Variants in C20orf202 observed in about 807,000 individuals in gnomAD.
The protein encoded by C20orf202 is uncharacterized protein C20orf202.
A neutral mutation model predicts 5.3 loss-of-function variants in C20orf202; 5 were observed. That is an observed-to-expected ratio of 0.94 (90% CI 0.49 to 1.98). The LOEUF (loss-of-function observed/expected upper bound fraction) is 1.98. Ranked by LOEUF, C20orf202 falls within the 30% of genes most tolerant of loss-of-function variation. The probability of loss-of-function intolerance (pLI) is 0.01; values close to 1 mark genes in which losing one functional copy is unlikely to be tolerated. For synonymous variants in C20orf202, 48 were observed against 50.0 expected, an observed-to-expected ratio of 0.96 and a Z score of 0.16; for missense variants, 135 against 123.5, an observed-to-expected ratio of 1.09 and a Z score of -0.44.
In C20orf202 at chr20:1,206,914, C is replaced by A. The variant is rs1349142114; in HGVS notation, c.112C>A (p.His38Asn). ...TCAGAGTCTCCTGCTCACACTGAGG[C>A]ATCTTCACAGTGTCCTGGAGGAGCT... ...QDQSLLLTLR[H>N]LHSVLEELRA... Residue 38 changes from histidine (H) to asparagine (N), a missense_variant, in exon 2 of 2, where the codon CAT becomes AAT. His to Asn is a moderately conservative substitution (Grantham distance 68, BLOSUM62 1). Coordinates refer to ENST00000400633, the MANE Select transcript of C20orf202 (RefSeq NM_001394958.1). 6 of 1,550,770 alleles carry A rather than the reference C, an allele frequency of 3.9e-6. No individual in the cohort carries two copies. The highest frequency in any genetic ancestry group is 1.4e-5 in the African/African-American group (1 of 73,058).
chr20:1,204,939 C>T (rs1288782527), intron 1 of C20orf202, among the ~76,000 whole-genome samples: 4 of 152,178 alleles, frequency 2.6e-5, no homozygotes, highest in Middle Eastern at 3.4e-3. Flanking sequence ...GTCTTGTAGG[C>T]GCATACCCAG....
intron 1 of C20orf202, among the ~76,000 whole-genome samples, chr20:1,205,907 G>C (rs1217712299): frequency 6.6e-6 from 1 of 151,934 alleles, no homozygotes; most frequent in East Asian, 1.9e-4. Context: ...ACAAAAAATA[G>C]CCGGGCATGG....
chr20:1,203,751 C>CCA, intron 1 of C20orf202, 100 bp downstream of exon 1: 1 of 1,319,140 alleles, frequency 7.6e-7, no homozygotes, highest in Non-Finnish European at 1.0e-6. Flanking sequence ...AGGCTGCAGG[C>CCA]TACGGTATGG....
chr20:1,206,745 G>A (rs2087132966), intron 1 of C20orf202, 124 bp from the exon 2 acceptor site: 1 of 554,582 alleles, frequency 1.8e-6, no homozygotes, highest in Non-Finnish European at 3.1e-6. Flanking sequence ...TGGTGGATAC[G>A]GCTTCTGTGA....
chr20:1,204,281 C>CA (rs2087122694), intron 1 of C20orf202, among the ~76,000 whole-genome samples: 1 of 152,144 alleles, frequency 6.6e-6, no homozygotes, highest in Non-Finnish European at 1.5e-5. Context: ...TATTACCAAG[C>CA]AGCCTACGGC....
At position 1,205,168 on chromosome 20, in the gene C20orf202, C is replaced by T. The variant is rs1050277305; in HGVS notation, c.66+1517C>T. Among the ~76,000 whole-genome samples, 4 of 150,812 alleles carry T rather than the reference C, an allele frequency of 2.7e-5. No homozygotes were observed. The South Asian group carries it at 6.3e-4, about 24-fold the overall frequency. On this transcript the variant is annotated intron_variant, in intron 1 of 1. Coordinates refer to ENST00000400633, the MANE Select transcript of C20orf202 (RefSeq NM_001394958.1). ...TCGCCCAGGCTGGAGTGTAGTGGCA[C>T]GATCTCGGCTCACTACAACCTCCGC...
Position 1,206,895 on chromosome 20 carries a change from T to A in C20orf202, c.93T>A (p.Ser31Arg). 1.8e-5 allele frequency: 28 copies of A among 1,543,568 alleles called. No homozygotes were observed. The highest frequency in any genetic ancestry group is 2.5e-5 in the Non-Finnish European group (28 of 1,141,282). ...CTGAGATGCAGATTCAAGATCAGAG[T>A]CTCCTGCTCACACTGAGGCATCTTC... ...ELSEMQIQDQSLLLTLRHLHS... is the reference protein window; with the variant it reads ...ELSEMQIQDQRLLLTLRHLHS... The change falls in exon 2 of 2, where the codon AGT (serine) becomes AGA (arginine). Residue 31 changes from serine (S) to arginine (R), a missense_variant. Transcript: ENST00000400633.
Position 1,203,532 on chromosome 20 carries a change from A to T in C20orf202, c.-54A>T, listed in dbSNP as rs1568504465. ...AGTTGGGGGAATGTACAAGTCAAAG[A>T]TCCCTCGGGCCCAGAACCAGGTCAG... On this transcript the variant is annotated 5_prime_UTR_variant, in exon 1 of 2. Transcript: ENST00000400633. 2 of 1,549,262 alleles carry T rather than the reference A, an allele frequency of 1.3e-6. No individual in the cohort carries two copies. The highest frequency in any genetic ancestry group is 1.7e-6 in the Non-Finnish European group (2 of 1,146,116).
At chr20:1,204,697 C>T (rs992847684) in intron 1 of C20orf202, among the ~76,000 whole-genome samples, 4 of 152,196 alleles carry the variant, frequency 2.6e-5, no homozygotes, top group Non-Finnish European at 2.9e-5. Flanking sequence ...CCAAAAATGA[C>T]CTTTCTGGGT....
chr20:1,205,222 C>T (rs1183133367), intron 1 of C20orf202, among the ~76,000 whole-genome samples: 2 of 151,914 alleles, frequency 1.3e-5, no homozygotes, highest in Non-Finnish European at 1.5e-5. Flanking sequence ...TCCCCTGCCT[C>T]GGCCTCCCTA....
At position 1,208,285 on chromosome 20, in the gene C20orf202, T is replaced by G; in HGVS notation, c.*1183T>G. Reference sequence around the variant, plus strand: ...AAGTCATGGTGTTAAGATGGTCTGATGATCGGTAGCCCTTTTTGTTTTTGA... The same window carrying G: ...AAGTCATGGTGTTAAGATGGTCTGAGGATCGGTAGCCCTTTTTGTTTTTGA... On this transcript the variant is annotated 3_prime_UTR_variant, in exon 2 of 2. Coordinates refer to ENST00000400633, the MANE Select transcript of C20orf202 (RefSeq NM_001394958.1). The G allele has an allele frequency of 6.6e-6, 1 of 152,236 alleles. No homozygotes were observed. Among genetic ancestry groups the G allele is most frequent in the East Asian group, 1.9e-4 (1 of 5,196 alleles). The allele number at this position is 152,236 out of a possible 1,614,324, so 9.4% of individuals were successfully genotyped here. A position where few individuals can be genotyped will look rare whatever the true frequency, so the allele number is the denominator to read the frequency against.
intron 1 of C20orf202, among the ~76,000 whole-genome samples, chr20:1,204,734 C>G (rs1264842616): frequency 6.6e-6 from 1 of 152,208 alleles, no homozygotes; most frequent in Non-Finnish European, 1.5e-5. Context: ...AGCTGGGACC[C>G]AACCCTGTCA....
rs2087134574 is a variant in C20orf202 at position 1,206,980 on chromosome 20, G to A, written c.178G>A (p.Gly60Arg). The A allele has an allele frequency of 1.3e-6, 2 of 1,551,684 alleles. No individual in the cohort carries two copies. Among genetic ancestry groups the A allele is most frequent in the Non-Finnish European group, 8.7e-7 (1 of 1,146,904 alleles). ...CCACTGGGAGGACGCCAGGTCCAGC[G>A]GAGGGACATCCCCCATCAGAGCTCG... ...SAHWEDARSS[G>R]GTSPIRARAG... Residue 60 changes from glycine (G) to arginine (R), a missense_variant, in exon 2 of 2, where the codon GGA (glycine) becomes AGA (arginine). By Grantham distance (125) the Gly-to-Arg change is moderately radical. Coordinates refer to ENST00000400633, the MANE Select transcript of C20orf202 (RefSeq NM_001394958.1).
chr20:1,203,495 C>T lies in C20orf202; in HGVS notation c.-91C>T. 2 of 1,527,310 alleles carry T rather than the reference C, an allele frequency of 1.3e-6. No individual in the cohort carries two copies. Among genetic ancestry groups the T allele is most frequent in the Non-Finnish European group, 1.8e-6 (2 of 1,134,854 alleles). 94.6% of individuals were successfully genotyped at this position (1,527,310 alleles called of 1,614,324 possible). A position where few individuals can be genotyped will look rare whatever the true frequency, so the allele number is the denominator to read the frequency against. ...TCAGTGATTTGGCCAGAACCTGCTG[C>T]CAGTCTGAAAGAGTTGGGGGAATGT... On this transcript the variant is annotated 5_prime_UTR_variant, in exon 1 of 2. Coordinates refer to ENST00000400633, the MANE Select transcript of C20orf202 (RefSeq NM_001394958.1).
At chr20:1,205,843 C>T (rs1272257303) in intron 1 of C20orf202, among the ~76,000 whole-genome samples, 3 of 152,162 alleles carry the variant, frequency 2.0e-5, no homozygotes, top group East Asian at 1.9e-4. Context: ...GAGAGGATCG[C>T]GTGAGCCCAG....
At chr20:1,205,289 G>A (rs923228605) in intron 1 of C20orf202, among the ~76,000 whole-genome samples, 2 of 151,896 alleles carry the variant, frequency 1.3e-5, no homozygotes, top group Admixed American at 1.3e-4. Flanking sequence ...TGTATTTTTA[G>A]TAGAGACCGG....
Position 1,207,357 on chromosome 20 carries a change from C to T in C20orf202, c.*255C>T, listed in dbSNP as rs1365739917. 5.4e-6 allele frequency: 2 copies of T among 369,054 alleles called. No individual in the cohort carries two copies. Among genetic ancestry groups the T allele is most frequent in the African/African-American group, 4.1e-5 (2 of 48,982 alleles). 22.9% of individuals were successfully genotyped at this position (369,054 alleles called of 1,614,324 possible). A position where few individuals can be genotyped will look rare whatever the true frequency, so the allele number is the denominator to read the frequency against. The stretch of plus-strand genomic sequence containing the variant: ...TGAACACACTTTTCGACTGAAAACA[C>T]AAATGTGCTCTAGTGCTCTGGCAAG... On this transcript the variant is annotated 3_prime_UTR_variant, in exon 2 of 2. Transcript: ENST00000400633.
chr20:1,204,273 T>C (rs1292712199), intron 1 of C20orf202, among the ~76,000 whole-genome samples: 4 of 152,058 alleles, frequency 2.6e-5, no homozygotes, highest in African/African-American at 9.7e-5. Flanking sequence ...AGACATTGTA[T>C]TACCAAGCAG....
At chr20:1,205,232 A>G (rs1267167130) in intron 1 of C20orf202, among the ~76,000 whole-genome samples, 1 of 150,848 alleles carries the variant, frequency 6.6e-6, no homozygotes, top group East Asian at 2.0e-4. Context: ...CGGCCTCCCT[A>G]GTAGCTGGGA....
Sources: gnomAD v4.1 joint callset for allele counts (sites outside exome capture counted in the v4.1 genomes callset) on GRCh38, gnomAD v4.1.1 for gene constraint, MANE v1.5 for transcripts, NCBI Gene and HGNC (gene_info 2026-07-23, HGNC 2026-07-21) for gene names.